Variants in GRTP1 observed in about 807,000 individuals in gnomAD.
GRTP1 encodes the protein growth hormone-regulated TBC protein 1.
In GRTP1, 56 loss-of-function variants were observed where a neutral mutation model predicts 38.1. The observed-to-expected ratio is 1.47, with a 90% CI of 1.19 to 1.84. GRTP1 has a LOEUF of 1.84. Among genes scored for constraint, GRTP1 ranks in the 40% most tolerant of loss-of-function variants. GRTP1 has a pLI of 0.00. For synonymous variants in GRTP1, 217 were observed against 189.5 expected (o/e 1.14, Z -1.19); for missense variants, 506 against 453.9 (o/e 1.11, Z -1.04).
At chr13:113,332,256 C>T (rs1369445533) in intron 5 of GRTP1, among the ~76,000 whole-genome samples, 7 of 151,620 alleles carry the variant, frequency 4.6e-5, no homozygotes, top group South Asian at 2.1e-4. Flanking sequence ...CACGTGCACA[C>T]GCACACCACA....
At chr13:113,334,176 CAG>C (rs1224302540) in intron 5 of GRTP1, among the ~76,000 whole-genome samples, 4 of 152,132 alleles carry the variant, frequency 2.6e-5, no homozygotes, top group Non-Finnish European at 5.9e-5. Context: ...TTCTCAAACA[CAG>C]GGGACATCTT....
At chr13:113,347,986 C>T (rs907200303) in intron 4 of GRTP1, among the ~76,000 whole-genome samples, 2 of 151,086 alleles carry the variant, frequency 1.3e-5, no homozygotes, top group Admixed American at 1.3e-4. Flanking sequence ...GAGAGCAGAC[C>T]TGGGAGGACC....
At chr13:113,341,365 C>T (rs757283412) in intron 5 of GRTP1, among the ~76,000 whole-genome samples, 33 of 152,138 alleles carry the variant, frequency 2.2e-4, no homozygotes, top group Non-Finnish European at 2.9e-5. Flanking sequence ...CCCCTGGGTT[C>T]AAGCAATTCT....
At chr13:113,335,585 C>T (rs1335472250) in intron 5 of GRTP1, among the ~76,000 whole-genome samples, 1 of 152,132 alleles carries the variant, frequency 6.6e-6, no homozygotes, top group Non-Finnish European at 1.5e-5. Flanking sequence ...CTTCTTCTAA[C>T]TGTAGGTCTG....
intron 4 of GRTP1, among the ~76,000 whole-genome samples, chr13:113,346,139 CAGACCCGGGA>C: frequency 8.7e-6 from 1 of 115,492 alleles, no homozygotes; most frequent in Non-Finnish European, 1.9e-5. Context: ...TGGACAAGAG[CAGACCCGGGA>C]GGACCTCTGT....
chr13:113,356,415 C>T (rs2043387476), intron 2 of GRTP1, among the ~76,000 whole-genome samples: 1 of 152,040 alleles, frequency 6.6e-6, no homozygotes, highest in Admixed American at 6.6e-5. Context: ...TTAAAGGCAC[C>T]TGCCAACATG....
intron 2 of GRTP1, 58 bp downstream of exon 2, chr13:113,363,704 C>CCCG (rs1465275280): frequency 6.5e-7 from 1 of 1,532,696 alleles, no homozygotes; most frequent in African/African-American, 1.4e-5. Flanking sequence ...CTTTGCCCGG[C>CCCG]CCGTCCCAGC....
rs748932612 is a variant in GRTP1, at chr13:113,325,805, C to T, written c.777G>A (p.Ser259=). The T allele has an allele frequency of 1.5e-5, 25 of 1,614,130 alleles. No homozygotes were observed. Among genetic ancestry groups the T allele is most frequent in the Admixed American group, 1.0e-4 (6 of 60,014 alleles). Residue 259 remains serine (S), a synonymous_variant, in exon 7 of 8, where the codon TCG becomes TCA. Transcript: ENST00000375431. ...TCAGGGCCACCCGGAAGATAATCTT[C>T]GAGCCTTCGTTAAACAAACAGTCCC... is the stretch of plus-strand genomic sequence containing the variant. ...RIWDCLFNEG[S]KIIFRVALTL...
chr13:113,350,780 C>T (rs1595503764), intron 4 of GRTP1, 69 bp downstream of exon 4: 1 of 1,396,928 alleles, frequency 7.2e-7, no homozygotes, highest in Admixed American at 2.4e-5. Context: ...CCGTCACTGC[C>T]GAGCCTGCAG....
intron 2 of GRTP1, 111 bp downstream of exon 2, chr13:113,363,650 GC>G (rs1351352623): frequency 2.6e-6 from 3 of 1,138,068 alleles, no homozygotes. Flanking sequence ...GTCCCGACCT[GC>G]CCGGAAAGGT....
At chr13:113,327,219 G>A (rs559753791) in intron 5 of GRTP1, among the ~76,000 whole-genome samples, 20 of 152,156 alleles carry the variant, frequency 1.3e-4, no homozygotes, top group African/African-American at 4.1e-4. Flanking sequence ...CTCTGTCACC[G>A]AGGCTGGAAT....
At chr13:113,345,327 A>G (rs1271797170) in intron 4 of GRTP1, among the ~76,000 whole-genome samples, 4 of 152,268 alleles carry the variant, frequency 2.6e-5, no homozygotes, top group Non-Finnish European at 5.9e-5. Context: ...AGAAAATTAT[A>G]CCAATGACCA....
At chr13:113,346,249 T>C (rs528489888) in intron 4 of GRTP1, among the ~76,000 whole-genome samples, 5 of 95,366 alleles carry the variant, frequency 5.2e-5, no homozygotes, top group African/African-American at 1.9e-4. Flanking sequence ...AGGACCTCTG[T>C]GGCCGAGAGC....
intron 5 of GRTP1, among the ~76,000 whole-genome samples, chr13:113,338,515 C>A (rs771220344): frequency 6.6e-6 from 1 of 151,998 alleles, no homozygotes; most frequent in African/African-American, 2.4e-5. Context: ...AGGCCTTGGG[C>A]GGGGAGGCCT....
chr13:113,344,944 C>A lies in GRTP1; in HGVS notation c.481G>T (p.Ala161Ser), dbSNP rs778539448. The change falls in exon 5 of 8, where the codon GCA (alanine) becomes TCA (serine). Residue 161 changes from alanine (A) to serine (S), a missense_variant. By Grantham distance (99) the Ala-to-Ser change is moderately conservative. Coordinates refer to ENST00000375431, the MANE Select transcript of GRTP1 (RefSeq NM_024719.4). ...TTTGTTATAAGAATCAGATATCCTG[C>A]TATAAAATTCATTCCCTGAAATTAG... is the stretch of plus-strand genomic sequence containing the variant. Reference protein sequence around the residue: ...VGYCQGMNFIAGYLILITNNE... With the variant: ...VGYCQGMNFISGYLILITNNE... The A allele has an allele frequency of 3.1e-6, 5 of 1,593,540 alleles. No homozygotes were observed. The South Asian group carries it at 5.8e-5, about 18-fold the overall frequency.
chr13:113,325,933 T>C lies in GRTP1; in HGVS notation c.721A>G (p.Ile241Val). The C allele has an allele frequency of 6.2e-7, 1 of 1,613,750 alleles. No individual in the cohort carries two copies. The highest frequency in any genetic ancestry group is 8.5e-7 in the Non-Finnish European group (1 of 1,179,914). The change falls in exon 6 of 8, where the codon ATC (isoleucine) becomes GTC (valine). Residue 241 changes from isoleucine (I) to valine (V), a missense_variant. Transcript: ENST00000375431. ...GAGGCGCTCACCTCCACGGGCAAGATGTCCACAAACAGGCAGATGAACCAG... is the reference window on the plus strand; with the variant it reads ...GAGGCGCTCACCTCCACGGGCAAGACGTCCACAAACAGGCAGATGAACCAG... ...SRWFICLFVD[I>V]LPVETVLRIW...
chr13:113,345,704 A>G (rs1222492726), intron 4 of GRTP1, among the ~76,000 whole-genome samples: 1 of 152,254 alleles, frequency 6.6e-6, no homozygotes, highest in East Asian at 1.9e-4. Flanking sequence ...CGATGCTGGC[A>G]GCAGCGCGGC....
intron 5 of GRTP1, among the ~76,000 whole-genome samples, chr13:113,336,140 A>G (rs1225032088): frequency 6.6e-6 from 1 of 151,988 alleles, no homozygotes; most frequent in Admixed American, 6.6e-5. Flanking sequence ...GAGTGTGTGC[A>G]CCCCACTTTC....
At chr13:113,346,650 CTGGGAGGA>C (rs1365462777) in intron 4 of GRTP1, among the ~76,000 whole-genome samples, 164 of 1,502 alleles carry the variant, frequency 0.11, 78 homozygotes, top group African/African-American at 0.12. Context: ...GAGAGCGGAC[CTGGGAGGA>C]CCTCTGTGGC....
Sources: allele counts gnomAD v4.1 joint callset (sites outside exome capture counted in the v4.1 genomes callset), GRCh38; gene constraint gnomAD v4.1.1; transcripts MANE v1.5; gene names NCBI Gene and HGNC (gene_info 2026-07-23, HGNC 2026-07-21).